ANKIB1: variants seen among roughly 807,000 people sequenced by gnomAD.
ANKIB1 encodes the protein ankyrin repeat and IBR domain-containing protein 1.
In ANKIB1, 43 loss-of-function variants were observed where a neutral mutation model predicts 122.1. The ratio of observed to expected loss-of-function variants is 0.35; its 90% confidence interval spans 0.28 to 0.45. The LOEUF is 0.45. Ranked by LOEUF, ANKIB1 falls within the 20% of genes least tolerant of loss-of-function variation. The probability of loss-of-function intolerance (pLI) is 1.00; values close to 1 mark genes in which losing one functional copy is unlikely to be tolerated. For synonymous variants in ANKIB1, 390 were observed against 442.0 expected, an observed-to-expected ratio of 0.88 and a Z score of 1.48; for missense variants, 992 against 1,329.5, an observed-to-expected ratio of 0.75 and a Z score of 3.95.
intron 11 of ANKIB1, among the ~76,000 whole-genome samples, chr7:92,377,371 T>C (rs989757190): frequency 6.6e-6 from 1 of 152,116 alleles, no homozygotes; most frequent in Non-Finnish European, 1.5e-5. Context: ...TGGTTCATGG[T>C]GTCCCCCAGA....
intron 5 of ANKIB1, among the ~76,000 whole-genome samples, chr7:92,340,252 C>T (rs1359150472): frequency 6.6e-6 from 1 of 152,176 alleles, no homozygotes; most frequent in African/African-American, 2.4e-5. Flanking sequence ...TCCTCAGTTT[C>T]CTGAGGGTCA....
intron 11 of ANKIB1, among the ~76,000 whole-genome samples, chr7:92,376,134 T>A (rs1018012752): frequency 1.3e-5 from 2 of 152,212 alleles, no homozygotes; most frequent in Non-Finnish European, 2.9e-5. Context: ...AGAGTAGATT[T>A]AGCATAGTTC....
At chr7:92,267,085 A>C (rs898078192) in intron 1 of ANKIB1, among the ~76,000 whole-genome samples, 2 of 152,192 alleles carry the variant, frequency 1.3e-5, no homozygotes, top group Admixed American at 1.3e-4. Context: ...TGAAGAGCAA[A>C]TGGGAAATGA....
chr7:92,313,002 A>C (rs1802722461), intron 3 of ANKIB1, among the ~76,000 whole-genome samples: 1 of 152,162 alleles, frequency 6.6e-6, no homozygotes, highest in Non-Finnish European at 1.5e-5. Flanking sequence ...ACTTCCATAG[A>C]GCAACCCTAG....
rs1804780778 is a variant in ANKIB1 at position 92,391,289 on chromosome 7, G to T, written c.2176G>T (p.Ala726Ser). 5.6e-6 allele frequency: 9 copies of T among 1,613,464 alleles called. No individual in the cohort carries two copies. The highest frequency in any genetic ancestry group is 7.6e-6 in the Non-Finnish European group (9 of 1,179,638). ...LVQQKRQEFL[A>S]SVARGVAPAD... ...ACAGCAGAAGAGGCAAGAATTCCTG[G>T]CATCTGTGGCTCGGGGAGTAGCTCC... The change falls in exon 16 of 20, where the codon GCA (alanine) becomes TCA (serine). Residue 726 changes from alanine to serine, a missense_variant. Coordinates refer to ENST00000265742, the MANE Select transcript of ANKIB1 (RefSeq NM_019004.2).
intron 5 of ANKIB1, among the ~76,000 whole-genome samples, chr7:92,328,113 C>G (rs1357414746): frequency 6.6e-6 from 1 of 152,140 alleles, no homozygotes; most frequent in Non-Finnish European, 1.5e-5. Flanking sequence ...AGAGGAGACA[C>G]TGGAAAATTC....
intron 2 of ANKIB1, among the ~76,000 whole-genome samples, chr7:92,300,624 A>G (rs1385928696): frequency 6.8e-6 from 1 of 146,524 alleles, no homozygotes; most frequent in Non-Finnish European, 1.5e-5. Context: ...TGATGTTTTA[A>G]TATATATATA....
intron 5 of ANKIB1, among the ~76,000 whole-genome samples, chr7:92,330,745 G>A (rs1803155042): frequency 1.3e-5 from 2 of 152,168 alleles, no homozygotes; most frequent in Admixed American, 6.5e-5. Flanking sequence ...AGGAGGCTGA[G>A]GCAGGAGAAT....
At chr7:92,373,703 G>A (rs1804321807) in intron 11 of ANKIB1, among the ~76,000 whole-genome samples, 1 of 152,120 alleles carries the variant, frequency 6.6e-6, no homozygotes, top group Non-Finnish European at 1.5e-5. Flanking sequence ...TTGAATCCAT[G>A]CACTGACATA....
At chr7:92,290,684 G>T (rs1319933936) in intron 1 of ANKIB1, among the ~76,000 whole-genome samples, 1 of 152,166 alleles carries the variant, frequency 6.6e-6, no homozygotes, top group Non-Finnish European at 1.5e-5. Flanking sequence ...TTCTGTAAAA[G>T]ATTTCTGGGA....
At chr7:92,387,289 T>C (rs1804677259) in intron 12 of ANKIB1, among the ~76,000 whole-genome samples, 1 of 152,144 alleles carries the variant, frequency 6.6e-6, no homozygotes, top group South Asian at 2.1e-4. Context: ...CTTCAAAATA[T>C]TAATTTTAGG....
At chr7:92,246,596 A>G (rs1364179498) in intron 1 of ANKIB1, 77 bp downstream of exon 1, 2 of 484,420 alleles carry the variant, frequency 4.1e-6, no homozygotes, top group East Asian at 6.0e-5. Flanking sequence ...AGAGCTACCT[A>G]CTTCACACCC....
At chr7:92,269,800 T>C (rs999682206) in intron 1 of ANKIB1, among the ~76,000 whole-genome samples, 2 of 152,110 alleles carry the variant, frequency 1.3e-5, no homozygotes, top group African/African-American at 4.8e-5. Context: ...TCTTTTTTTT[T>C]TTAAAAAAAA....
intron 5 of ANKIB1, among the ~76,000 whole-genome samples, chr7:92,333,645 G>A (rs1585112293): frequency 6.6e-6 from 1 of 152,136 alleles, no homozygotes; most frequent in East Asian, 1.9e-4. Context: ...GTTCCATGGA[G>A]ACAGGAAAGG....
At position 92,379,313 on chromosome 7, in the gene ANKIB1, A is replaced by G. The variant is rs374671672; in HGVS notation, c.1618-7196A>G. Among the ~76,000 whole-genome samples, 8 of 152,220 alleles carry G rather than the reference A, an allele frequency of 5.3e-5. No individual in the cohort carries two copies. The East Asian group carries it at 7.7e-4, about 15-fold the overall frequency. ...AGGCTGAGGCAGGAGAATGGTGTGA[A>G]CCTGGGAGGCAGAGCTTGCAGTGAG... On this transcript the variant is annotated intron_variant, in intron 11 of 19. Coordinates refer to ENST00000265742, the MANE Select transcript of ANKIB1 (RefSeq NM_019004.2).
At chr7:92,313,722 A>G (rs1173418136) in intron 3 of ANKIB1, among the ~76,000 whole-genome samples, 3 of 152,122 alleles carry the variant, frequency 2.0e-5, no homozygotes, top group East Asian at 1.9e-4. Context: ...AGTTCTGACA[A>G]CTTGTTATAA....
At chr7:92,362,317 CA>C (rs1803969593) in intron 10 of ANKIB1, 44 bp downstream of exon 10, 2 of 1,506,924 alleles carry the variant, frequency 1.3e-6, no homozygotes, top group East Asian at 4.9e-5. Flanking sequence ...TTCCTGATAG[CA>C]TTCAAAAGAT....
intron 1 of ANKIB1, among the ~76,000 whole-genome samples, chr7:92,270,070 A>AT (rs1562766340): frequency 6.6e-6 from 1 of 151,284 alleles, no homozygotes; most frequent in African/African-American, 2.4e-5. Flanking sequence ...TTTAAAAAAA[A>AT]TTTTTTTTGG....
At chr7:92,293,210 G>A (rs189410465) in intron 1 of ANKIB1, among the ~76,000 whole-genome samples, 101 of 152,214 alleles carry the variant, frequency 6.6e-4, no homozygotes, top group Non-Finnish European at 2.9e-4. Flanking sequence ...TTCCCCTAGA[G>A]ACTCTGATTT....
Sources: gnomAD v4.1 joint callset for allele counts (sites outside exome capture counted in the v4.1 genomes callset) on GRCh38, gnomAD v4.1.1 for gene constraint, MANE v1.5 for transcripts, NCBI Gene and HGNC (gene_info 2026-07-23, HGNC 2026-07-21) for gene names.